Variants in WFDC10B observed in about 807,000 individuals in gnomAD.
The protein encoded by WFDC10B is WAP four-disulfide core domain 10B, also known as protein WFDC10B.
A neutral mutation model predicts 2.7 loss-of-function variants in WFDC10B; 1 was observed. The observed-to-expected ratio is 0.38, with a 90% CI of 0.13 to 1.79. The LOEUF (loss-of-function observed/expected upper bound fraction) is 1.79. WFDC10B is among the 40% of genes most tolerant of loss of function. The probability of loss-of-function intolerance (pLI) is 0.33; values close to 1 mark genes in which losing one functional copy is unlikely to be tolerated. For missense variants in WFDC10B, 71 were observed against 87.8 expected (o/e 0.81, Z 0.76); for synonymous variants, 26 against 32.2 (o/e 0.81, Z 0.65).
chr20:45,703,592 G>A (rs891376436), intron 2 of WFDC10B, among the ~76,000 whole-genome samples: 1 of 152,154 alleles, frequency 6.6e-6, no homozygotes, highest in Non-Finnish European at 1.5e-5. Context: ...GGAAGGGCTT[G>A]GGGAAAGGGA....
chr20:45,701,639 G>A (rs1275780837), intron 2 of WFDC10B, among the ~76,000 whole-genome samples: 1 of 151,784 alleles, frequency 6.6e-6, no homozygotes, highest in Non-Finnish European at 1.5e-5. Flanking sequence ...GTACACGCCT[G>A]TAATCCCAGC....
intron 2 of WFDC10B, among the ~76,000 whole-genome samples, chr20:45,688,232 C>T (rs918771104): frequency 6.6e-6 from 1 of 151,938 alleles, no homozygotes; most frequent in Non-Finnish European, 1.5e-5. Context: ...GCATAGTATT[C>T]CATGGTGTAT....
chr20:45,696,329 TTTAC>T lies in WFDC10B; in HGVS notation c.-65+8164_-65+8167del, dbSNP rs1983979286. On this transcript the variant is annotated intron_variant, in intron 2 of 3. Transcript: ENST00000330523. The stretch of plus-strand genomic sequence containing the variant: ...AAAGATCTCAAATCTGCAACCTAAC[TTTAC>T]ATCATACGAAACTAGAAAGAGAAGA... Among the ~76,000 whole-genome samples the T allele has an allele frequency of 3.4e-5, 5 of 149,042 alleles. No individual in the cohort carries two copies. The South Asian group carries it at 1.1e-3, about 32-fold the overall frequency.
At chr20:45,699,453 A>G (rs1276296511) in intron 2 of WFDC10B, among the ~76,000 whole-genome samples, 1 of 152,220 alleles carries the variant, frequency 6.6e-6, no homozygotes, top group Non-Finnish European at 1.5e-5. Flanking sequence ...CACCCATAAA[A>G]TGGAATGAAG....
intron 2 of WFDC10B, among the ~76,000 whole-genome samples, chr20:45,687,207 T>A (rs1304861730): frequency 1.3e-5 from 2 of 152,256 alleles, no homozygotes; most frequent in East Asian, 3.9e-4. Flanking sequence ...GTCCATGTAT[T>A]CTCATTGTTC....
intron 2 of WFDC10B, among the ~76,000 whole-genome samples, chr20:45,704,094 C>T (rs779456115): frequency 2.2e-4 from 34 of 152,194 alleles, no homozygotes; most frequent in African/African-American, 8.2e-4. Context: ...CAGTGCAGAA[C>T]GAACATACAA....
intron 2 of WFDC10B, among the ~76,000 whole-genome samples, chr20:45,694,801 G>T (rs6065866): frequency 1.3e-5 from 2 of 152,070 alleles, no homozygotes; most frequent in South Asian, 2.1e-4. Flanking sequence ...CACCAGAAAG[G>T]TCAAGTGATT....
chr20:45,698,591 A>AAAC (rs1568673619), intron 2 of WFDC10B, among the ~76,000 whole-genome samples: 1 of 148,218 alleles, frequency 6.7e-6, no homozygotes, highest in African/African-American at 2.5e-5. Flanking sequence ...AAAAAAAAAA[A>AAAC]CCCAATTACA....
chr20:45,704,209 TG>T (rs1984291614), intron 2 of WFDC10B, among the ~76,000 whole-genome samples: 2 of 152,186 alleles, frequency 1.3e-5, no homozygotes, highest in Non-Finnish European at 2.9e-5. Context: ...GAATGACCAA[TG>T]GGTGCAGGGT....
At chr20:45,689,448 T>C (rs1385915751) in intron 2 of WFDC10B, among the ~76,000 whole-genome samples, 2 of 152,068 alleles carry the variant, frequency 1.3e-5, no homozygotes, top group Non-Finnish European at 2.9e-5. Flanking sequence ...GCCATTTTCA[T>C]GATATTGATT....
chr20:45,701,934 T>TGACC, intron 2 of WFDC10B: 1 of 587,864 alleles, frequency 1.7e-6, no homozygotes, highest in Non-Finnish European at 3.1e-6. Context: ...AAACACTACG[T>TGACC]GACCCTGGAG....
chr20:45,693,719 G>C (rs1983892710), intron 2 of WFDC10B, among the ~76,000 whole-genome samples: 1 of 152,212 alleles, frequency 6.6e-6, no homozygotes, highest in Non-Finnish European at 1.5e-5. Context: ...CGATTTTCCA[G>C]GTGCCGTCTG....
chr20:45,693,831 C>T (rs1055876551), intron 2 of WFDC10B, among the ~76,000 whole-genome samples: 3 of 152,202 alleles, frequency 2.0e-5, no homozygotes, highest in Non-Finnish European at 4.4e-5. Context: ...GTGCGCTGCA[C>T]CCACTGACCT....
At position 45,692,373 on chromosome 20, in the gene WFDC10B, A is replaced by T. The variant is rs796215050; in HGVS notation, c.-64-6317T>A. ...CATTCTCTGTATTTCCTGAATCTGA[A>T]TGTTGGCCTGCCTTGCTAGATTGGG... On this transcript the variant is annotated intron_variant, in intron 2 of 3. Coordinates refer to ENST00000330523, the MANE Select transcript of WFDC10B (RefSeq NM_172006.2). Among the ~76,000 whole-genome samples, 8 of 151,990 alleles carry T rather than the reference A, an allele frequency of 5.3e-5. No homozygotes were observed. In the East Asian group the frequency reaches 1.4e-3, roughly 26 times the overall value.
At chr20:45,700,000 G>T (rs1328334084) in intron 2 of WFDC10B, among the ~76,000 whole-genome samples, 1 of 152,044 alleles carries the variant, frequency 6.6e-6, no homozygotes, top group African/African-American at 2.4e-5. Flanking sequence ...TTTAACCAAT[G>T]ATCACACTTT....
At chr20:45,686,268 T>C (rs1983614414) in intron 2 of WFDC10B, among the ~76,000 whole-genome samples, 1 of 152,186 alleles carries the variant, frequency 6.6e-6, no homozygotes, top group Non-Finnish European at 1.5e-5. Context: ...GTTTTTCTTT[T>C]CCAAAAGGTA....
At chr20:45,703,291 G>C (rs961172656) in intron 2 of WFDC10B, among the ~76,000 whole-genome samples, 1 of 152,128 alleles carries the variant, frequency 6.6e-6, no homozygotes, top group Non-Finnish European at 1.5e-5. Context: ...CTATAGAATA[G>C]CTGAGAGGCC....
chr20:45,686,499 C>T (rs1045744086), intron 2 of WFDC10B, among the ~76,000 whole-genome samples: 6 of 151,254 alleles, frequency 4.0e-5, no homozygotes, highest in South Asian at 4.2e-4. Flanking sequence ...CAAATATTTA[C>T]AATGTCATTA....
intron 2 of WFDC10B, 119 bp downstream of exon 2, chr20:45,704,378 T>G: frequency 6.5e-7 from 1 of 1,542,548 alleles, no homozygotes; most frequent in Non-Finnish European, 8.7e-7. Context: ...TCCCTGGGCT[T>G]TCTGAGTTCT....
Sources: gnomAD v4.1 joint callset for allele counts (sites outside exome capture counted in the v4.1 genomes callset) on GRCh38, gnomAD v4.1.1 for gene constraint, MANE v1.5 for transcripts, NCBI Gene and HGNC (gene_info 2026-07-23, HGNC 2026-07-21) for gene names.